Variants in AUTS2 observed in about 807,000 individuals in gnomAD.
AUTS2 encodes the protein autism susceptibility gene 2 protein.
A neutral mutation model predicts 112.4 loss-of-function variants in AUTS2; 17 were observed. The ratio of observed to expected loss-of-function variants is 0.15; its 90% CI spans 0.10 to 0.23. AUTS2 has a LOEUF of 0.23. Among genes scored for constraint, AUTS2 ranks in the 10% least tolerant of loss-of-function variants. The pLI, the probability that AUTS2 is intolerant of heterozygous loss-of-function variation, is 1.00. For missense variants in AUTS2, 1,510 were observed against 1,701.6 expected (o/e 0.89, Z 1.98); for synonymous variants, 751 against 702.7 (o/e 1.07, Z -1.09).
intron 1 of AUTS2, among the ~76,000 whole-genome samples, chr7:69,771,086 A>T (rs1319387379): frequency 6.6e-6 from 1 of 152,198 alleles, no homozygotes; most frequent in Non-Finnish European, 1.5e-5. Context: ...AGGCAGGAAG[A>T]ACTGTGAATG....
chr7:70,779,051 C>G (rs1790890501), intron 14 of AUTS2, among the ~76,000 whole-genome samples: 1 of 152,170 alleles, frequency 6.6e-6, no homozygotes, highest in South Asian at 2.1e-4. Context: ...TGCTTGTAAT[C>G]CCCAAGCTCC....
At chr7:70,129,900 ATT>A (rs1491181564) in intron 3 of AUTS2, among the ~76,000 whole-genome samples, 1 of 141,560 alleles carries the variant, frequency 7.1e-6, no homozygotes, top group Non-Finnish European at 1.5e-5. Context: ...ATATATATAT[ATT>A]GTGTGTGTGT....
intron 5 of AUTS2, among the ~76,000 whole-genome samples, chr7:70,550,777 T>A (rs1361083679): frequency 6.6e-6 from 1 of 152,172 alleles, no homozygotes. Flanking sequence ...ATAAAAGGGT[T>A]AGTACCCATA....
At chr7:70,680,754 T>A (rs1440113466) in intron 5 of AUTS2, among the ~76,000 whole-genome samples, 1 of 152,104 alleles carries the variant, frequency 6.6e-6, no homozygotes, top group Non-Finnish European at 1.5e-5. Context: ...CATCATAAAT[T>A]AAAAGAAAAG....
intron 4 of AUTS2, among the ~76,000 whole-genome samples, chr7:70,343,263 C>G (rs1395101483): frequency 6.6e-6 from 1 of 152,160 alleles, no homozygotes; most frequent in African/African-American, 2.4e-5. Flanking sequence ...GACAGACAGG[C>G]CCATCATGTG....
chr7:69,748,976 G>A (rs1370520477), intron 1 of AUTS2, among the ~76,000 whole-genome samples: 1 of 152,142 alleles, frequency 6.6e-6, no homozygotes, highest in Admixed American at 6.5e-5. Flanking sequence ...AGTGGGGTGA[G>A]GTAGAAGGAG....
intron 4 of AUTS2, among the ~76,000 whole-genome samples, chr7:70,273,202 C>T (rs1787774611): frequency 6.6e-6 from 1 of 152,084 alleles, no homozygotes; most frequent in Non-Finnish European, 1.5e-5. Context: ...TGCCACAACA[C>T]CTGGCTAATT....
At chr7:70,555,381 G>T (rs1242572281) in intron 5 of AUTS2, among the ~76,000 whole-genome samples, 1 of 152,216 alleles carries the variant, frequency 6.6e-6, no homozygotes, top group Non-Finnish European at 1.5e-5. Flanking sequence ...GCTTTCATTG[G>T]TAGCTCATGC....
intron 1 of AUTS2, among the ~76,000 whole-genome samples, chr7:69,854,069 C>T (rs564237296): frequency 6.6e-6 from 1 of 152,266 alleles, no homozygotes; most frequent in South Asian, 2.1e-4. Context: ...TTTTCTCCTT[C>T]TCTAACATAT....
intron 2 of AUTS2, among the ~76,000 whole-genome samples, chr7:70,059,431 CA>C (rs1802140676): frequency 6.6e-6 from 1 of 152,104 alleles, no homozygotes; most frequent in African/African-American, 2.4e-5. Flanking sequence ...CAAGTTTTGT[CA>C]ATTATGGGAA....
At chr7:69,788,918 G>A (rs1005280700) in intron 1 of AUTS2, among the ~76,000 whole-genome samples, 6 of 152,102 alleles carry the variant, frequency 3.9e-5, no homozygotes, top group Non-Finnish European at 7.3e-5. Flanking sequence ...TGAGTTATAA[G>A]GGAAACGATA....
intron 4 of AUTS2, among the ~76,000 whole-genome samples, chr7:70,235,947 G>T (rs1812306698): frequency 6.6e-6 from 1 of 152,118 alleles, no homozygotes; most frequent in Non-Finnish European, 1.5e-5. Context: ...CTTCACAGGG[G>T]CCCTCTTTGA....
intron 4 of AUTS2, among the ~76,000 whole-genome samples, chr7:70,358,875 G>C (rs749235702): frequency 2.0e-5 from 3 of 152,214 alleles, no homozygotes; most frequent in Non-Finnish European, 2.9e-5. Context: ...AATGGATCCA[G>C]CTCTCCTTCA....
chr7:70,579,262 A>AAAAAAAAAAAAAAAAAAAAAAAAAAT (rs1802324605), intron 5 of AUTS2, among the ~76,000 whole-genome samples: 2 of 148,508 alleles, frequency 1.3e-5, no homozygotes, highest in Non-Finnish European at 1.5e-5. Context: ...AAAAAAAAAA[A>AAAAAAAAAAAAAAAAAAAAAAAAAAT]GATGAAGGGA....
chr7:70,185,384 G>C (rs1022814968), intron 4 of AUTS2, among the ~76,000 whole-genome samples: 17 of 148,588 alleles, frequency 1.1e-4, no homozygotes, highest in African/African-American at 4.0e-4. Flanking sequence ...TGGGATTACA[G>C]TTGTGAGCCA....
chr7:69,611,936 C>CAAAAAG (rs1491194584), intron 1 of AUTS2, among the ~76,000 whole-genome samples: 1 of 85,756 alleles, frequency 1.2e-5, no homozygotes, highest in Non-Finnish European at 2.1e-5. Flanking sequence ...GACTCCGTCT[C>CAAAAAG]AAAAAAAAAA....
At chr7:69,682,517 T>C (rs912945010) in intron 1 of AUTS2, among the ~76,000 whole-genome samples, 2 of 152,246 alleles carry the variant, frequency 1.3e-5, no homozygotes, top group African/African-American at 4.8e-5. Context: ...TGGATGTCTA[T>C]AGTTTTTTAG....
rs560229205 is a variant in AUTS2 at position 70,113,896 on chromosome 7, T to C, written c.523-4236T>C. Reference sequence around the variant, plus strand: ...TGCAGTCTAGGGTGATGGGACTTCGTTACATGTTCATTAGCAGTGACATAA... The same window carrying C: ...TGCAGTCTAGGGTGATGGGACTTCGCTACATGTTCATTAGCAGTGACATAA... On this transcript the variant is annotated intron_variant, in intron 2 of 18. Transcript: ENST00000342771. Among the ~76,000 whole-genome samples the C allele has an allele frequency of 9.2e-5, 14 of 152,344 alleles. 1 individual carries two copies. Among genetic ancestry groups the C allele is most frequent in the South Asian group, 4.1e-4 (2 of 4,826 alleles).
chr7:69,646,966 T>C (rs757175421), intron 1 of AUTS2, among the ~76,000 whole-genome samples: 4 of 151,990 alleles, frequency 2.6e-5, no homozygotes, highest in Non-Finnish European at 5.9e-5. Context: ...CGGGCGCCTG[T>C]AGTCCCAGCT....
Sources: allele counts gnomAD v4.1 joint callset (sites outside exome capture counted in the v4.1 genomes callset), GRCh38; gene constraint gnomAD v4.1.1; transcripts MANE v1.5; gene names NCBI Gene and HGNC (gene_info 2026-07-23, HGNC 2026-07-21).